CNTNAP5: variants seen among roughly 807,000 people sequenced by gnomAD.
CNTNAP5 encodes contactin-associated protein-like 5.
CNTNAP5 carries 72 observed loss-of-function variants against 150.2 expected under a neutral mutation model. That is an observed-to-expected ratio of 0.48 (90% CI 0.40 to 0.58). The LOEUF is 0.58. Among genes scored for constraint, CNTNAP5 ranks in the 20% least tolerant of loss-of-function variants. The probability of loss-of-function intolerance (pLI) is 0.00; values close to 1 mark genes in which losing one functional copy is unlikely to be tolerated. For missense variants in CNTNAP5, 1,636 were observed against 1,626.2 expected (o/e 1.01, Z -0.10); for synonymous variants, 672 against 619.8 (o/e 1.08, Z -1.25).
intron 9 of CNTNAP5, among the ~76,000 whole-genome samples, chr2:124,524,796 A>T (rs1382024618): frequency 6.6e-6 from 1 of 152,214 alleles, no homozygotes; most frequent in African/African-American, 2.4e-5. Flanking sequence ...ACTTGGAGAA[A>T]GTGTATCAAG....
chr2:124,872,442 A>T (rs1677771683), intron 21 of CNTNAP5, among the ~76,000 whole-genome samples: 1 of 146,568 alleles, frequency 6.8e-6, no homozygotes, highest in Non-Finnish European at 1.5e-5. Context: ...GTTCATATTG[A>T]TTACAATTAA....
At chr2:124,731,839 TGTAA>T (rs1170875086) in intron 13 of CNTNAP5, among the ~76,000 whole-genome samples, 2 of 151,502 alleles carry the variant, frequency 1.3e-5, no homozygotes, top group African/African-American at 2.4e-5. Context: ...TGTATATGAG[TGTAA>T]GTGTGTGTAT....
chr2:124,903,708 CAAGT>C (rs1678464647), intron 22 of CNTNAP5, among the ~76,000 whole-genome samples: 1 of 152,050 alleles, frequency 6.6e-6, no homozygotes. Context: ...TAGCAAATGT[CAAGT>C]AAACAATACA....
intron 8 of CNTNAP5, among the ~76,000 whole-genome samples, chr2:124,510,686 C>T (rs1239875903): frequency 3.3e-5 from 5 of 151,760 alleles, no homozygotes; most frequent in Non-Finnish European, 7.4e-5. Context: ...AAGGGCCTGT[C>T]TACTTCTAAG....
chr2:124,390,822 A>G (rs1368465066), intron 3 of CNTNAP5, among the ~76,000 whole-genome samples: 1 of 152,246 alleles, frequency 6.6e-6, no homozygotes, highest in East Asian at 1.9e-4. Flanking sequence ...GATACAATAT[A>G]TAAAAACCAG....
chr2:124,751,028 G>T (rs985855327), intron 14 of CNTNAP5, among the ~76,000 whole-genome samples: 29 of 149,530 alleles, frequency 1.9e-4, no homozygotes, highest in African/African-American at 6.9e-4. Context: ...ACTGCCATGA[G>T]TTTTGCACCA....
intron 5 of CNTNAP5, among the ~76,000 whole-genome samples, chr2:124,444,363 G>T (rs990037052): frequency 6.6e-6 from 1 of 152,078 alleles, no homozygotes; most frequent in Non-Finnish European, 1.5e-5. Context: ...GGGAAGTCGG[G>T]GCAGCAGATC....
At chr2:124,207,307 G>A (rs994943466) in intron 1 of CNTNAP5, among the ~76,000 whole-genome samples, 7 of 152,142 alleles carry the variant, frequency 4.6e-5, no homozygotes, top group African/African-American at 1.7e-4. Context: ...AAAATCCTCT[G>A]CCTTCTTGCC....
At chr2:124,763,950 C>T (rs1207651113) in intron 15 of CNTNAP5, 27 bp from the exon 16 acceptor site, 8 of 1,605,910 alleles carry the variant, frequency 5.0e-6, no homozygotes, top group Non-Finnish European at 6.0e-6. Context: ...AACGATAAAC[C>T]ATGTTGAAGG....
chr2:124,656,388 G>A (rs898935724), intron 13 of CNTNAP5, among the ~76,000 whole-genome samples: 3 of 152,116 alleles, frequency 2.0e-5, no homozygotes, highest in African/African-American at 7.2e-5. Context: ...CAGCTAAAAT[G>A]TGTTTTTAAG....
intron 21 of CNTNAP5, among the ~76,000 whole-genome samples, chr2:124,887,302 T>C (rs1235951752): frequency 6.6e-6 from 1 of 152,096 alleles, no homozygotes; most frequent in Non-Finnish European, 1.5e-5. Context: ...TATGCTTCTA[T>C]GTGTTTCATA....
At chr2:124,363,511 A>T (rs192347644) in intron 3 of CNTNAP5, among the ~76,000 whole-genome samples, 1 of 152,316 alleles carries the variant, frequency 6.6e-6, no homozygotes, top group Non-Finnish European at 1.5e-5. Flanking sequence ...AAATCTTAGA[A>T]ATATTACTTT....
intron 17 of CNTNAP5, among the ~76,000 whole-genome samples, chr2:124,784,199 C>T (rs1258753673): frequency 6.6e-6 from 1 of 152,120 alleles, no homozygotes; most frequent in Non-Finnish European, 1.5e-5. Context: ...AAAGGTGGCA[C>T]TGTACTAATT....
chr2:124,566,302 T>G (rs1696022643), intron 11 of CNTNAP5, among the ~76,000 whole-genome samples: 1 of 152,212 alleles, frequency 6.6e-6, no homozygotes, highest in Admixed American at 6.5e-5. Context: ...CCGTGACTGT[T>G]AAAGCTTATT....
chr2:124,442,634 T>C (rs1476060474), intron 5 of CNTNAP5, among the ~76,000 whole-genome samples: 1 of 152,116 alleles, frequency 6.6e-6, no homozygotes, highest in Non-Finnish European at 1.5e-5. Flanking sequence ...TTTAAACTAT[T>C]ATACAAATCC....
intron 11 of CNTNAP5, among the ~76,000 whole-genome samples, chr2:124,606,327 C>A (rs1298559634): frequency 1.3e-5 from 2 of 151,344 alleles, no homozygotes; most frequent in Non-Finnish European, 2.9e-5. Flanking sequence ...GGGCTAAATT[C>A]CCATTTTCCA....
intron 3 of CNTNAP5, among the ~76,000 whole-genome samples, chr2:124,416,639 AT>A (rs1311395323): frequency 6.6e-6 from 1 of 152,064 alleles, no homozygotes; most frequent in Admixed American, 6.5e-5. Context: ...TGATTTGGAG[AT>A]TTTTTTCCTT....
At chr2:124,662,813 G>A (rs1314343902) in intron 13 of CNTNAP5, among the ~76,000 whole-genome samples, 3 of 152,170 alleles carry the variant, frequency 2.0e-5, no homozygotes, top group African/African-American at 7.2e-5. Flanking sequence ...GTATCCACAT[G>A]TCAAATAAAC....
intron 13 of CNTNAP5, among the ~76,000 whole-genome samples, chr2:124,731,481 G>A (rs1680269503): frequency 6.6e-6 from 1 of 151,902 alleles, no homozygotes; most frequent in South Asian, 2.1e-4. Flanking sequence ...TGCCTTTCAG[G>A]AGGGGATCAA....
Sources: gnomAD v4.1 joint callset for allele counts (sites outside exome capture counted in the v4.1 genomes callset) on GRCh38, gnomAD v4.1.1 for gene constraint, MANE v1.5 for transcripts, NCBI Gene and HGNC (gene_info 2026-07-23, HGNC 2026-07-21) for gene names.